ARPC2: variants seen among roughly 807,000 people sequenced by gnomAD.
ARPC2 encodes the protein actin related protein 2/3 complex subunit 2, also known as actin-related protein 2/3 complex subunit 2.
Under a neutral mutation model 38.6 loss-of-function variants are expected in ARPC2, and 4 were observed. The ratio of observed to expected loss-of-function variants is 0.10; its 90% CI spans 0.05 to 0.24. ARPC2 has a LOEUF of 0.24. Among genes scored for constraint, ARPC2 ranks in the 10% least tolerant of loss-of-function variants. The probability of loss-of-function intolerance (pLI) is 1.00; values close to 1 mark genes in which losing one functional copy is unlikely to be tolerated. For missense variants in ARPC2, 229 were observed against 387.3 expected (o/e 0.59, Z 3.43); for synonymous variants, 125 against 140.8 (o/e 0.89, Z 0.79).
Position 218,226,004 on chromosome 2 carries a change from T to C in ARPC2, c.109+50T>C, listed in dbSNP as rs929523732. On this transcript the variant is annotated intron_variant, in intron 3 of 10. Transcript: ENST00000315717. ...TGAAGAGAAGGTACAATATGAAAAATAGGAAATAGGCTGGGTGCAGTGGCA... is the reference window on the plus strand; with the variant it reads ...TGAAGAGAAGGTACAATATGAAAAACAGGAAATAGGCTGGGTGCAGTGGCA... 2.5e-6 allele frequency: 4 copies of C among 1,593,262 alleles called. No homozygotes were observed. In the African/African-American group the frequency reaches 4.0e-5, roughly 16 times the overall value.
At chr2:218,242,989 A>G (rs1372111665) in intron 7 of ARPC2, among the ~76,000 whole-genome samples, 1 of 152,142 alleles carries the variant, frequency 6.6e-6, no homozygotes, top group East Asian at 1.9e-4. Context: ...CTTGCCTTTT[A>G]TGGCTTCTAG....
chr2:218,254,133 C>T lies in ARPC2; in HGVS notation c.*218C>T. On this transcript the variant is annotated 3_prime_UTR_variant, in exon 11 of 11. Transcript: ENST00000315717. ...TAAAAAAAAAAAAAAAAGAATTCCACTTGATCAACTTAATTCCTTTTCTTT... is the reference window on the plus strand; with the variant it reads ...TAAAAAAAAAAAAAAAAGAATTCCATTTGATCAACTTAATTCCTTTTCTTT... The T allele has an allele frequency of 1.9e-6, 1 of 535,964 alleles. No homozygotes were observed. The highest frequency in any genetic ancestry group is 3.2e-6 in the Non-Finnish European group (1 of 309,862). 33.2% of individuals were successfully genotyped at this position (535,964 alleles called of 1,614,324 possible).
rs533721614 is a variant in ARPC2, at chr2:218,226,910, A to G, written c.109+956A>G. On this transcript the variant is annotated intron_variant, in intron 3 of 10. Transcript: ENST00000315717. The stretch of plus-strand genomic sequence containing the variant: ...GAGTAGTAGGGAAACATGAACAGCT[A>G]GAGATGTGTTCATCAAGTCAGAGAG... 528 of 436,864 alleles carry G rather than the reference A, an allele frequency of 1.2e-3. 4 individuals carry two copies. The Middle Eastern group carries it at 0.013, about 11-fold the overall frequency. 27.1% of individuals were successfully genotyped at this position (436,864 alleles called of 1,614,324 possible).
At chr2:218,232,407 T>C (rs949046575) in intron 4 of ARPC2, among the ~76,000 whole-genome samples, 1 of 152,142 alleles carries the variant, frequency 6.6e-6, no homozygotes, top group East Asian at 1.9e-4. Context: ...GAATAATTTA[T>C]GAAGAAAATA....
At position 218,217,229 on chromosome 2, in the gene ARPC2, A is replaced by C; in HGVS notation, c.-34A>C. The C allele has an allele frequency of 2.2e-6, 1 of 444,578 alleles. No individual in the cohort carries two copies. The allele number at this position is 444,578 out of a possible 1,614,324, so 27.5% of individuals were successfully genotyped here. On this transcript the variant is annotated 5_prime_UTR_variant, in exon 1 of 11. Transcript: ENST00000315717. ...GTGGCGGCGGCGGCGGCGGCTCGGCAGGCGGGTTCAGGCTTCGGGGGCCAG... is the reference window on the plus strand; with the variant it reads ...GTGGCGGCGGCGGCGGCGGCTCGGCCGGCGGGTTCAGGCTTCGGGGGCCAG...
At chr2:218,218,307 G>A (rs1465736644) in intron 2 of ARPC2, among the ~76,000 whole-genome samples, 1 of 152,150 alleles carries the variant, frequency 6.6e-6, no homozygotes, top group African/African-American at 2.4e-5. Context: ...TTCTGTGGTA[G>A]CCCTGGCCCA....
chr2:218,244,245 A>G (rs1689979599), intron 7 of ARPC2, among the ~76,000 whole-genome samples: 1 of 152,214 alleles, frequency 6.6e-6, no homozygotes, highest in South Asian at 2.1e-4. Flanking sequence ...TGGTAGTGTT[A>G]GCATGAGAGG....
At chr2:218,235,045 G>A in intron 5 of ARPC2, 1 of 317,616 alleles carries the variant, frequency 3.1e-6, no homozygotes, top group South Asian at 2.5e-5. Flanking sequence ...TGAGAACCAG[G>A]TAGTAAGACC....
chr2:218,240,102 G>A (rs1285699239), intron 7 of ARPC2, among the ~76,000 whole-genome samples: 3 of 151,920 alleles, frequency 2.0e-5, no homozygotes, highest in Non-Finnish European at 2.9e-5. Flanking sequence ...TTACAGGCAC[G>A]CGCCACCACG....
At chr2:218,229,968 C>T (rs902988283) in intron 4 of ARPC2, among the ~76,000 whole-genome samples, 1 of 151,746 alleles carries the variant, frequency 6.6e-6, no homozygotes, top group Non-Finnish European at 1.5e-5. Flanking sequence ...TTAAAGCAGC[C>T]CTGCCTCTTT....
At position 218,253,090 on chromosome 2, in the gene ARPC2, G is replaced by A. The variant is rs143936208; in HGVS notation, c.879-801G>A. ...AGAAGCCAGGAACCCTCGATGGGCCGCCCAGAATTGAACACTCAGGAGCTT... is the reference window on the plus strand; with the variant it reads ...AGAAGCCAGGAACCCTCGATGGGCCACCCAGAATTGAACACTCAGGAGCTT... On this transcript the variant is annotated intron_variant, in intron 10 of 10. Transcript: ENST00000315717. The A allele has an allele frequency of 9.9e-4, 422 of 424,960 alleles. 5 individuals carry two copies. The highest frequency in any genetic ancestry group is 6.0e-3 in the South Asian group (360 of 59,668). 26.3% of individuals were successfully genotyped at this position (424,960 alleles called of 1,614,324 possible). A position where few individuals can be genotyped will look rare whatever the true frequency, so the allele number is the denominator to read the frequency against.
At chr2:218,217,309 G>A in intron 1 of ARPC2, 55 bp downstream of exon 1, 1 of 660,152 alleles carries the variant, frequency 1.5e-6, no homozygotes, top group Non-Finnish European at 2.7e-6. Flanking sequence ...CAGCGCGTTC[G>A]TCTTACCCTT....
chr2:218,217,429 C>T, intron 1 of ARPC2, 34 bp from the exon 2 acceptor site: 12 of 1,607,262 alleles, frequency 7.5e-6, no homozygotes, highest in Non-Finnish European at 1.0e-5. Context: ...TACCCACCCT[C>T]ACCGGCCCTT....
At chr2:218,244,576 A>C (rs1431287410) in intron 7 of ARPC2, among the ~76,000 whole-genome samples, 2 of 152,240 alleles carry the variant, frequency 1.3e-5, no homozygotes, top group Non-Finnish European at 2.9e-5. Context: ...ATGAATGGTA[A>C]AATATCATAG....
At chr2:218,251,774 C>CA (rs556521984) in intron 10 of ARPC2, among the ~76,000 whole-genome samples, 65 of 152,250 alleles carry the variant, frequency 4.3e-4, no homozygotes, top group Middle Eastern at 6.8e-3. Context: ...ACTCTTGAGG[C>CA]AAAGTTTTAG....
intron 8 of ARPC2, among the ~76,000 whole-genome samples, chr2:218,247,255 G>A (rs967710745): frequency 3.9e-5 from 6 of 152,114 alleles, no homozygotes; most frequent in East Asian, 1.9e-4. Context: ...ACTTTTTCGC[G>A]GAATAAATTC....
intron 10 of ARPC2, among the ~76,000 whole-genome samples, chr2:218,250,863 G>A (rs1690171788): frequency 6.6e-6 from 1 of 151,830 alleles, no homozygotes; most frequent in Non-Finnish European, 1.5e-5. Flanking sequence ...TTGTTTGTTT[G>A]TTTTTTGGTG....
At chr2:218,226,357 C>T (rs59904591) in intron 3 of ARPC2, among the ~76,000 whole-genome samples, 2,602 of 151,576 alleles carry the variant, frequency 0.017, 78 homozygotes, top group African/African-American at 0.06. Flanking sequence ...GGATTGGGTG[C>T]GGTAGCTCAT....
intron 10 of ARPC2, among the ~76,000 whole-genome samples, chr2:218,251,153 C>T (rs1690179925): frequency 6.6e-6 from 1 of 152,022 alleles, no homozygotes; most frequent in African/African-American, 2.4e-5. Context: ...GCCTCCCTCA[C>T]AGCCAGTGTT....
Sources: gnomAD v4.1 joint callset for allele counts (sites outside exome capture counted in the v4.1 genomes callset) on GRCh38, gnomAD v4.1.1 for gene constraint, MANE v1.5 for transcripts, NCBI Gene and HGNC (gene_info 2026-07-23, HGNC 2026-07-21) for gene names.